PRR14L: variants seen among roughly 807,000 people sequenced by gnomAD.
PRR14L encodes the protein protein PRR14L.
Under a neutral mutation model 155.0 loss-of-function variants are expected in PRR14L, and 80 were observed. The observed-to-expected ratio is 0.52, with a 90% CI of 0.43 to 0.62. The LOEUF is 0.62. Ranked by LOEUF, PRR14L falls within the 20% of genes least tolerant of loss-of-function variation. The pLI, the probability that PRR14L is intolerant of heterozygous loss-of-function variation, is 0.00. For missense variants in PRR14L, 2,469 were observed against 2,548.0 expected, an observed-to-expected ratio of 0.97 and a Z score of 0.67; for synonymous variants, 883 against 916.0, an observed-to-expected ratio of 0.96 and a Z score of 0.65.
chr22:31,740,773 T>C (rs547633981), intron 1 of PRR14L, among the ~76,000 whole-genome samples: 4 of 152,108 alleles, frequency 2.6e-5, no homozygotes, highest in Admixed American at 1.3e-4. Context: ...AACTTAAATA[T>C]CAGAAGTGAT....
intron 1 of PRR14L, among the ~76,000 whole-genome samples, chr22:31,743,290 G>T (rs1426969826): frequency 1.3e-5 from 2 of 151,328 alleles, no homozygotes; most frequent in Non-Finnish European, 3.0e-5. Context: ...AGACAAAACC[G>T]AAAGTCTGTC....
chr22:31,715,787 T>C lies in PRR14L; in HGVS notation c.2052A>G (p.Arg684=). ...LNKEMPLATG[R]DAHQSHHPPL... is the part of the protein sequence containing the mutation. ...GAGGGTGATGGCTCTGATGGGCATC[T>C]CTGCCTGTTGCTAAAGGCATCTCTT... The change falls in exon 4 of 9, where the codon AGA becomes AGG. Residue 684 remains arginine, a synonymous_variant. Transcript: ENST00000327423. The C allele has an allele frequency of 6.4e-7, 1 of 1,551,822 alleles. No individual in the cohort carries two copies. Among genetic ancestry groups the C allele is most frequent in the Non-Finnish European group, 8.7e-7 (1 of 1,146,938 alleles).
intron 7 of PRR14L, among the ~76,000 whole-genome samples, chr22:31,692,761 G>A (rs2074517595): frequency 6.6e-6 from 1 of 152,018 alleles, no homozygotes; most frequent in Non-Finnish European, 1.5e-5. Flanking sequence ...CCACCTCAGT[G>A]TCCTAAATAG....
At chr22:31,733,657 T>A (rs1410300880) in intron 2 of PRR14L, among the ~76,000 whole-genome samples, 1 of 152,150 alleles carries the variant, frequency 6.6e-6, no homozygotes, top group Non-Finnish European at 1.5e-5. Flanking sequence ...ATAGTTTTGT[T>A]AAATGTTGCC....
intron 8 of PRR14L, among the ~76,000 whole-genome samples, chr22:31,687,059 T>C (rs1051520771): frequency 3.9e-5 from 6 of 152,268 alleles, no homozygotes; most frequent in Non-Finnish European, 7.4e-5. Flanking sequence ...ATTTTTGAGA[T>C]GGAGTTTCGC....
In PRR14L at chr22:31,684,067, T is replaced by G. The variant is rs371708729; in HGVS notation, c.*1460A>C. On this transcript the variant is annotated 3_prime_UTR_variant, in exon 9 of 9. Coordinates refer to ENST00000327423, the MANE Select transcript of PRR14L (RefSeq NM_173566.3). ...AATGTTAATTCTCTAAACTCTTGTT[T>G]TGAGAGAGAAAGAGAAACCCCTAGA... 2 of 152,006 alleles carry G rather than the reference T, an allele frequency of 1.3e-5. No individual in the cohort carries two copies. Among genetic ancestry groups the G allele is most frequent in the South Asian group, 2.1e-4 (1 of 4,800 alleles). 9.4% of individuals were successfully genotyped at this position (152,006 alleles called of 1,614,324 possible). A position where few individuals can be genotyped will look rare whatever the true frequency, so the allele number is the denominator to read the frequency against.
chr22:31,732,536 T>C (rs1291699037), intron 2 of PRR14L, among the ~76,000 whole-genome samples: 1 of 152,236 alleles, frequency 6.6e-6, no homozygotes, highest in Non-Finnish European at 1.5e-5. Flanking sequence ...GTAGACAATA[T>C]TTCATACGTG....
Position 31,738,263 on chromosome 22 carries a change from T to A in PRR14L, c.474+124A>T, listed in dbSNP as rs112075645. 5.3e-5 allele frequency: 45 copies of A among 854,512 alleles called. No individual in the cohort carries two copies. In the African/African-American group the frequency reaches 6.3e-4, roughly 12 times the overall value. 52.9% of individuals were successfully genotyped at this position (854,512 alleles called of 1,614,324 possible). A position where few individuals can be genotyped will look rare whatever the true frequency, so the allele number is the denominator to read the frequency against. On this transcript the variant is annotated intron_variant, in intron 2 of 8. Coordinates refer to ENST00000327423, the MANE Select transcript of PRR14L (RefSeq NM_173566.3). ...AAAGATCATCAAAACAAAGTTAACT[T>A]CAAAATCGACATTTCGGAAATGTTT...
Position 31,709,546 on chromosome 22 carries a change from T to TC in PRR14L, c.5756+2536_5756+2537insG, listed in dbSNP as rs1361837736. ...GACGCCTGTGGGGTTTTTTTTTTTTTTTTTTTTTTTTTTGAGACGGAGTCT... is the reference window on the plus strand; with the variant it reads ...GACGCCTGTGGGGTTTTTTTTTTTTTCTTTTTTTTTTTTTGAGACGGAGTCT... On this transcript the variant is annotated intron_variant, in intron 4 of 8. Coordinates refer to ENST00000327423, the MANE Select transcript of PRR14L (RefSeq NM_173566.3). 2.1e-5 allele frequency among the ~76,000 whole-genome samples: 3 copies of TC among 141,896 alleles called. No homozygotes were observed. The East Asian group carries it at 6.1e-4, about 29-fold the overall frequency. The allele number at this position is 141,896 out of a possible 152,430, so 93.1% of individuals were successfully genotyped here. A position where few individuals can be genotyped will look rare whatever the true frequency, so the allele number is the denominator to read the frequency against.
intron 1 of PRR14L, among the ~76,000 whole-genome samples, chr22:31,744,246 C>T (rs1364518413): frequency 6.6e-6 from 1 of 151,890 alleles, no homozygotes; most frequent in Non-Finnish European, 1.5e-5. Flanking sequence ...GATTCTCCCG[C>T]CCCAGCCTCC....
intron 8 of PRR14L, 138 bp from the exon 9 acceptor site, chr22:31,685,941 CT>C (rs1569496921): frequency 2.2e-5 from 17 of 785,258 alleles, no homozygotes; most frequent in Admixed American, 2.9e-5. Flanking sequence ...AACTCTTTTT[CT>C]TTTTTTTGTG....
chr22:31,694,250 C>T lies in PRR14L; in HGVS notation c.6108-6023G>A, dbSNP rs530873152. Among the ~76,000 whole-genome samples the T allele has an allele frequency of 6.8e-4, 104 of 152,186 alleles. 1 individual carries two copies. In the Middle Eastern group the frequency reaches 0.01, roughly 15 times the overall value. Reference sequence around the variant, plus strand: ...CAAGATCGTGCCACTGCACTCCAGCCGGGAAAGGCGTGAGCCACTGCGCCT... The same window carrying T: ...CAAGATCGTGCCACTGCACTCCAGCTGGGAAAGGCGTGAGCCACTGCGCCT... On this transcript the variant is annotated intron_variant, in intron 7 of 8. Coordinates refer to ENST00000327423, the MANE Select transcript of PRR14L (RefSeq NM_173566.3).
chr22:31,686,854 CCTT>C (rs1180784423), intron 8 of PRR14L, among the ~76,000 whole-genome samples: 6 of 152,174 alleles, frequency 3.9e-5, no homozygotes, highest in African/African-American at 2.4e-5. Context: ...CTACAATTCT[CCTT>C]CTATATTCTA....
chr22:31,744,133 A>AT (rs1043296702), intron 1 of PRR14L, among the ~76,000 whole-genome samples: 4,677 of 137,160 alleles, frequency 0.034, 194 homozygotes, highest in African/African-American at 0.1. Flanking sequence ...TGCCTGGTTA[A>AT]TTTTTTTTTT....
intron 3 of PRR14L, among the ~76,000 whole-genome samples, chr22:31,724,653 C>T (rs2074707505): frequency 1.3e-5 from 2 of 152,186 alleles, no homozygotes; most frequent in African/African-American, 4.8e-5. Context: ...CCACCCTGGC[C>T]TCCCAAAGTG....
At chr22:31,691,363 G>T (rs1219124310) in intron 7 of PRR14L, among the ~76,000 whole-genome samples, 1 of 152,140 alleles carries the variant, frequency 6.6e-6, no homozygotes, top group African/African-American at 2.4e-5. Context: ...AAAGTGCTGG[G>T]ATTACAGGGT....
rs2147848777 is a variant in PRR14L at position 31,683,395 on chromosome 22, C to A, written c.*2132G>T. ...ACCTGTCCAGTAGGAGCTCCTTAAA[C>A]ATGCCTGGACAAGGGCAAAATGTAC... is the stretch of plus-strand genomic sequence containing the variant. On this transcript the variant is annotated 3_prime_UTR_variant, in exon 9 of 9. Transcript: ENST00000327423. 6.6e-6 allele frequency: 1 copy of A among 152,348 alleles called. No individual in the cohort carries two copies. The highest frequency in any genetic ancestry group is 1.9e-4 in the East Asian group (1 of 5,184). 9.4% of individuals were successfully genotyped at this position (152,348 alleles called of 1,614,324 possible).
At chr22:31,695,545 A>T (rs568446031) in intron 7 of PRR14L, among the ~76,000 whole-genome samples, 1 of 151,960 alleles carries the variant, frequency 6.6e-6, no homozygotes, top group Non-Finnish European at 1.5e-5. Flanking sequence ...CGCATAGGGC[A>T]CTCCAGGCCT....
rs1327392439 is a variant in PRR14L, at chr22:31,738,474, T to C, written c.387A>G (p.Ala129=). 6 of 1,552,222 alleles carry C rather than the reference T, an allele frequency of 3.9e-6. No homozygotes were observed. Among genetic ancestry groups the C allele is most frequent in the Admixed American group, 2.0e-5 (1 of 50,992 alleles). The change falls in exon 2 of 9, where the codon GCA becomes GCG. Residue 129 remains alanine (A), a synonymous_variant. Coordinates refer to ENST00000327423, the MANE Select transcript of PRR14L (RefSeq NM_173566.3). ...PKVFRDPGGQ[A]GIIREPSEGA... Reference sequence around the variant, plus strand: ...CCTCAGAGGGTTCTCTTATAATTCCTGCCTGGCCCCCTGGATCTCTGAAGA... The same window carrying C: ...CCTCAGAGGGTTCTCTTATAATTCCCGCCTGGCCCCCTGGATCTCTGAAGA...
Sources: gnomAD v4.1 joint callset for allele counts (sites outside exome capture counted in the v4.1 genomes callset) on GRCh38, gnomAD v4.1.1 for gene constraint, MANE v1.5 for transcripts, NCBI Gene and HGNC (gene_info 2026-07-23, HGNC 2026-07-21) for gene names.